Variants in ITGA1 observed in about 807,000 individuals in gnomAD.
ITGA1 encodes the protein integrin subunit alpha 1.
Under a neutral mutation model 145.9 loss-of-function variants are expected in ITGA1, and 85 were observed. The ratio of observed to expected loss-of-function variants is 0.58; its 90% CI spans 0.49 to 0.70. The LOEUF (loss-of-function observed/expected upper bound fraction) is 0.70. ITGA1 is among the 30% of genes least tolerant of loss of function. The pLI is 0.00. For synonymous variants in ITGA1, 520 were observed against 495.3 expected, an observed-to-expected ratio of 1.05 and a Z score of -0.66; for missense variants, 1,351 against 1,418.7, an observed-to-expected ratio of 0.95 and a Z score of 0.77.
At chr5:52,824,293 C>CT (rs34682943) in intron 1 of ITGA1, 41,279 of 134,120 alleles carry the variant, frequency 0.31, 6,934 homozygotes, top group South Asian at 0.44. Flanking sequence ...TCTTTTCTTT[C>CT]TTTTTTTTTT....
intron 14 of ITGA1, among the ~76,000 whole-genome samples, chr5:52,911,361 G>C (rs953623352): frequency 7.5e-6 from 1 of 132,742 alleles, no homozygotes; most frequent in African/African-American, 2.7e-5. Flanking sequence ...TGTATATATA[G>C]TGTATATAGT....
At chr5:52,912,360 A>C (rs866146821) in intron 14 of ITGA1, among the ~76,000 whole-genome samples, 92 of 145,640 alleles carry the variant, frequency 6.3e-4, no homozygotes, top group African/African-American at 2.2e-3. Context: ...TATTATATAT[A>C]GTGTATCCAG....
chr5:52,894,963 A>G (rs1362765682), intron 9 of ITGA1, among the ~76,000 whole-genome samples: 1 of 152,162 alleles, frequency 6.6e-6, no homozygotes, highest in Non-Finnish European at 1.5e-5. Context: ...ACTCACGATA[A>G]TAACTACATT....
intron 8 of ITGA1, among the ~76,000 whole-genome samples, chr5:52,891,483 T>C (rs1378895280): frequency 6.6e-6 from 1 of 151,452 alleles, no homozygotes; most frequent in Non-Finnish European, 1.5e-5. Flanking sequence ...AGACCACAAT[T>C]TGTACTCTAC....
chr5:52,793,855 C>T (rs1171345789), intron 1 of ITGA1, among the ~76,000 whole-genome samples: 1 of 152,006 alleles, frequency 6.6e-6, no homozygotes, highest in Non-Finnish European at 1.5e-5. Context: ...ATAAAGTAAT[C>T]ATATAATGTT....
chr5:52,918,740 A>G lies in ITGA1; in HGVS notation c.1997A>G (p.Asp666Gly), dbSNP rs1750686617. Reference sequence around the variant, plus strand: ...ATTGTTTTTGTTTGTAGGTCCCGAGATGTGGCCGTAGTTAAAGTGACCATG... The same window carrying G: ...ATTGTTTTTGTTTGTAGGTCCCGAGGTGTGGCCGTAGTTAAAGTGACCATG... ...LGGAALFWSR[D>G]VAVVKVTMNF... The change falls in exon 16 of 29, where the codon GAT becomes GGT. Residue 666 changes from aspartate (D) to glycine (G), a missense_variant. Coordinates refer to ENST00000282588, the MANE Select transcript of ITGA1 (RefSeq NM_181501.2). 1 of 1,607,904 alleles carries G rather than the reference A, an allele frequency of 6.2e-7. No individual in the cohort carries two copies. The highest frequency in any genetic ancestry group is 8.5e-7 in the Non-Finnish European group (1 of 1,178,136).
At chr5:52,951,764 A>G (rs1446381865) in intron 28 of ITGA1, among the ~76,000 whole-genome samples, 3 of 152,216 alleles carry the variant, frequency 2.0e-5, no homozygotes, top group African/African-American at 7.2e-5. Flanking sequence ...AAAAAAGATG[A>G]TGGCAAAGAA....
At chr5:52,824,055 G>A (rs925728791) in intron 1 of ITGA1, among the ~76,000 whole-genome samples, 1 of 152,052 alleles carries the variant, frequency 6.6e-6, no homozygotes, top group Non-Finnish European at 1.5e-5. Flanking sequence ...CATACTTAAT[G>A]ATCTGGGACC....
intron 1 of ITGA1, chr5:52,800,393 C>A (rs1748443505): frequency 5.0e-6 from 8 of 1,613,764 alleles, no homozygotes; most frequent in Non-Finnish European, 5.9e-6. Flanking sequence ...CCTTCCTTGG[C>A]CATGAAGCTC....
chr5:52,911,033 C>CTGTATATACTATATATAGTATACATAG (rs1750510287), intron 14 of ITGA1, among the ~76,000 whole-genome samples: 1 of 7,080 alleles, frequency 1.4e-4, no homozygotes, highest in Admixed American at 2.0e-3. Flanking sequence ...AGTATGTATA[C>CTGTATATACTATATATAGTATACATAG]TGTATATACT....
At chr5:52,947,940 G>A (rs1751160212) in intron 28 of ITGA1, among the ~76,000 whole-genome samples, 1 of 152,056 alleles carries the variant, frequency 6.6e-6, no homozygotes. Flanking sequence ...ATTCTTTAAT[G>A]TTTAAATATA....
Position 52,898,325 on chromosome 5 carries a change from AAACACAACCTTT to A in ITGA1, c.1254_1265del (p.Thr419_Asn422del). 6.2e-7 allele frequency: 1 copy of A among 1,611,954 alleles called. No individual in the cohort carries two copies. Among genetic ancestry groups the A allele is most frequent in the Non-Finnish European group, 8.5e-7 (1 of 1,178,570 alleles). ...AGGCTAGTCAAATCATAATCCCTCG[AAACACAACCTTT>A]AATGTTGAGTCTACCAAAAAGAATG... On this transcript the variant is annotated inframe_deletion, in exon 11 of 29. Coordinates refer to ENST00000282588, the MANE Select transcript of ITGA1 (RefSeq NM_181501.2).
Position 52,956,927 on chromosome 5 carries a change from C to CTG in ITGA1, c.*4476_*4477insTG, listed in dbSNP as rs1751314287. ...TCACACAGAATTTCTGAAACCAACA[C>CTG]CAGGTATTAATTGTTAACTGCAGTG... On this transcript the variant is annotated 3_prime_UTR_variant, in exon 29 of 29. Coordinates refer to ENST00000282588, the MANE Select transcript of ITGA1 (RefSeq NM_181501.2). 6.6e-6 allele frequency: 1 copy of CTG among 152,118 alleles called. No individual in the cohort carries two copies. Among genetic ancestry groups the CTG allele is most frequent in the Non-Finnish European group, 1.5e-5 (1 of 68,024 alleles). The allele number at this position is 152,118 out of a possible 1,614,324, so 9.4% of individuals were successfully genotyped here.
intron 1 of ITGA1, among the ~76,000 whole-genome samples, chr5:52,836,328 G>A (rs970734125): frequency 6.6e-6 from 1 of 152,148 alleles, no homozygotes; most frequent in African/African-American, 2.4e-5. Context: ...ATAAGAAAGT[G>A]GACTGTGGAC....
intron 8 of ITGA1, among the ~76,000 whole-genome samples, chr5:52,889,071 A>G (rs13356806): frequency 0.33 from 50,492 of 150,984 alleles, 8,642 homozygotes; most frequent in Admixed American, 0.43. Context: ...TTGAGTGTAC[A>G]TTATAGTATT....
intron 8 of ITGA1, chr5:52,889,859 C>A (rs989515750): frequency 2.0e-5 from 3 of 150,988 alleles, no homozygotes; most frequent in Non-Finnish European, 4.4e-5. Flanking sequence ...TCACTGGAGG[C>A]CAAGACTCTC....
intron 1 of ITGA1, among the ~76,000 whole-genome samples, chr5:52,806,965 G>A (rs936684101): frequency 3.3e-5 from 5 of 152,108 alleles, no homozygotes; most frequent in Non-Finnish European, 7.4e-5. Context: ...TCAGTGCTAA[G>A]GATGATAACA....
chr5:52,845,368 C>A (rs894386874), intron 1 of ITGA1, among the ~76,000 whole-genome samples: 4 of 152,060 alleles, frequency 2.6e-5, no homozygotes, highest in African/African-American at 9.7e-5. Context: ...AGAAATACCA[C>A]GTTACAGAGC....
rs544710162 is a variant in ITGA1, at chr5:52,826,266, T to A, written c.62-23099T>A. Reference sequence around the variant, plus strand: ...AACAGTCACTTAAGCCAAAGCCTAATCCAAAGCAAGATCCTAACTCTCTTC... The same window carrying A: ...AACAGTCACTTAAGCCAAAGCCTAAACCAAAGCAAGATCCTAACTCTCTTC... On this transcript the variant is annotated intron_variant, in intron 1 of 28. Transcript: ENST00000282588. 2.0e-5 allele frequency among the ~76,000 whole-genome samples: 3 copies of A among 152,238 alleles called. No homozygotes were observed. The South Asian group carries it at 6.2e-4, about 32-fold the overall frequency.
Sources: gnomAD v4.1 joint callset for allele counts (sites outside exome capture counted in the v4.1 genomes callset) on GRCh38, gnomAD v4.1.1 for gene constraint, MANE v1.5 for transcripts, NCBI Gene and HGNC (gene_info 2026-07-23, HGNC 2026-07-21) for gene names.